CHRM3: variants seen among roughly 807,000 people sequenced by gnomAD.
CHRM3 encodes muscarinic acetylcholine receptor M3.
In CHRM3, 11 loss-of-function variants were observed where a neutral mutation model predicts 41.8. That is an observed-to-expected ratio of 0.26 (90% CI 0.17 to 0.44). CHRM3 has a LOEUF of 0.44. Among genes scored for constraint, CHRM3 ranks in the 20% least tolerant of loss-of-function variants. CHRM3 has a pLI of 1.00. For synonymous variants in CHRM3, 297 were observed against 301.4 expected (o/e 0.99, Z 0.15); for missense variants, 571 against 745.4 (o/e 0.77, Z 2.72).
At chr1:239,889,418 G>A (rs1016172108) in intron 6 of CHRM3, among the ~76,000 whole-genome samples, 6 of 152,112 alleles carry the variant, frequency 3.9e-5, no homozygotes, top group Admixed American at 3.9e-4. Flanking sequence ...CAGGGAAGAT[G>A]GAGCCTCCGT....
chr1:239,562,915 A>G (rs1383117338), intron 3 of CHRM3, among the ~76,000 whole-genome samples: 2 of 149,138 alleles, frequency 1.3e-5, no homozygotes, highest in Admixed American at 6.7e-5. Context: ...AAAAGGTGTT[A>G]TTCATTTTAG....
intron 5 of CHRM3, among the ~76,000 whole-genome samples, chr1:239,684,558 A>C (rs576031378): frequency 6.6e-6 from 1 of 151,468 alleles, no homozygotes. Flanking sequence ...TTAGCCGGGC[A>C]TGTTGGCGCT....
intron 5 of CHRM3, among the ~76,000 whole-genome samples, chr1:239,721,342 A>G (rs1662953790): frequency 1.3e-5 from 2 of 151,922 alleles, no homozygotes; most frequent in Non-Finnish European, 2.9e-5. Context: ...AAGCTCAGGC[A>G]AAGTTACTTA....
chr1:239,795,260 A>G (rs1389294945), intron 5 of CHRM3, among the ~76,000 whole-genome samples: 1 of 152,188 alleles, frequency 6.6e-6, no homozygotes, highest in African/African-American at 2.4e-5. Flanking sequence ...TATTGATGAT[A>G]TGTAAGTAAT....
chr1:239,852,874 T>C (rs1431519330), intron 6 of CHRM3, among the ~76,000 whole-genome samples: 1 of 152,150 alleles, frequency 6.6e-6, no homozygotes, highest in African/African-American at 2.4e-5. Flanking sequence ...AACATTCTAA[T>C]TTATGTATTG....
chr1:239,390,377 A>C (rs934999857), intron 1 of CHRM3, among the ~76,000 whole-genome samples: 1 of 152,204 alleles, frequency 6.6e-6, no homozygotes, highest in Non-Finnish European at 1.5e-5. Flanking sequence ...GGAAAGTTTT[A>C]ATTTTATGAA....
intron 2 of CHRM3, among the ~76,000 whole-genome samples, chr1:239,532,009 C>CTTTTTTTTTTTTTTTTTTTT (rs34798101): frequency 1.7e-4 from 13 of 76,294 alleles, no homozygotes; most frequent in East Asian, 4.2e-4. Flanking sequence ...TTCCTTCTTT[C>CTTTTTTTTTTTTTTTTTTTT]TTTTTTTTTT....
At chr1:239,577,316 A>AT (rs1279817602) in intron 3 of CHRM3, among the ~76,000 whole-genome samples, 1 of 151,690 alleles carries the variant, frequency 6.6e-6, no homozygotes, top group East Asian at 1.9e-4. Flanking sequence ...TATCCTTTTA[A>AT]TTTTTTTAAA....
intron 3 of CHRM3, among the ~76,000 whole-genome samples, chr1:239,564,117 G>C (rs896908068): frequency 3.9e-5 from 6 of 152,132 alleles, no homozygotes; most frequent in African/African-American, 1.2e-4. Context: ...TTTGAATAAA[G>C]ATAAGAGGAA....
intron 3 of CHRM3, among the ~76,000 whole-genome samples, chr1:239,618,799 G>A (rs1245153464): frequency 1.2e-3 from 166 of 140,748 alleles, no homozygotes; most frequent in African/African-American, 4.0e-3. Context: ...AGCCGAGATC[G>A]CGCCCCTGCA....
intron 1 of CHRM3, among the ~76,000 whole-genome samples, chr1:239,414,088 C>T (rs1422176980): frequency 6.6e-6 from 1 of 152,128 alleles, no homozygotes; most frequent in Non-Finnish European, 1.5e-5. Flanking sequence ...TGAGCAATTT[C>T]TGTATTGCCA....
At chr1:239,531,610 T>C (rs1670407990) in intron 2 of CHRM3, among the ~76,000 whole-genome samples, 1 of 150,022 alleles carries the variant, frequency 6.7e-6, no homozygotes, top group Admixed American at 6.7e-5. Flanking sequence ...ATGTGCTTTG[T>C]CGTATAAAAA....
intron 5 of CHRM3, among the ~76,000 whole-genome samples, chr1:239,717,554 G>A (rs185699772): frequency 1.3e-5 from 2 of 151,996 alleles, no homozygotes; most frequent in Non-Finnish European, 2.9e-5. Context: ...AGTTGGTTAC[G>A]GATTGGAGTT....
chr1:239,813,916 C>CAAAAAAAAAAAAAAAAAAAAAAAA (rs67147618), intron 5 of CHRM3, among the ~76,000 whole-genome samples: 5 of 103,220 alleles, frequency 4.8e-5, no homozygotes, highest in African/African-American at 2.0e-4. Context: ...GACTCCGTCT[C>CAAAAAAAAAAAAAAAAAAAAAAAA]AAAAAAAAAA....
chr1:239,595,125 T>C (rs1208050924), intron 3 of CHRM3, among the ~76,000 whole-genome samples: 2 of 152,134 alleles, frequency 1.3e-5, no homozygotes, highest in Non-Finnish European at 2.9e-5. Context: ...ACAAAACGAT[T>C]GTGTCTGTAC....
chr1:239,602,805 CATA>C (rs1558362139), intron 3 of CHRM3, among the ~76,000 whole-genome samples: 3 of 152,106 alleles, frequency 2.0e-5, no homozygotes, highest in South Asian at 2.1e-4. Context: ...AAACAGATAA[CATA>C]ATATTTTCCA....
At chr1:239,531,141 A>C (rs1423609966) in intron 2 of CHRM3, among the ~76,000 whole-genome samples, 2 of 152,120 alleles carry the variant, frequency 1.3e-5, no homozygotes, top group East Asian at 3.8e-4. Context: ...CTGACCCAAA[A>C]ATTTATATGG....
At chr1:239,414,477 T>C (rs1288200441) in intron 1 of CHRM3, among the ~76,000 whole-genome samples, 1 of 152,264 alleles carries the variant, frequency 6.6e-6, no homozygotes, top group African/African-American at 2.4e-5. Flanking sequence ...GCCTTTTCAA[T>C]TTGTCTGCGC....
intron 4 of CHRM3, among the ~76,000 whole-genome samples, chr1:239,649,246 G>C (rs531851012): frequency 6.6e-6 from 1 of 152,052 alleles, no homozygotes; most frequent in Non-Finnish European, 1.5e-5. Context: ...TTATTTGCCC[G>C]TTTCATCATG....
Sources: gnomAD v4.1 joint callset for allele counts (sites outside exome capture counted in the v4.1 genomes callset) on GRCh38, gnomAD v4.1.1 for gene constraint, MANE v1.5 for transcripts, NCBI Gene and HGNC (gene_info 2026-07-23, HGNC 2026-07-21) for gene names.